CACNA1B: variants seen among roughly 807,000 people sequenced by gnomAD.
The protein encoded by CACNA1B is voltage-dependent N-type calcium channel subunit alpha-1B.
CACNA1B carries 70 observed loss-of-function variants against 247.2 expected under a neutral mutation model. The ratio of observed to expected loss-of-function variants is 0.28; its 90% confidence interval spans 0.23 to 0.35. CACNA1B has a LOEUF of 0.35. Among genes scored for constraint, CACNA1B ranks in the 10% least tolerant of loss-of-function variants. The pLI is 1.00. For synonymous variants in CACNA1B, 1,231 were observed against 1,294.4 expected (o/e 0.95, Z 1.05); for missense variants, 2,367 against 3,197.4 (o/e 0.74, Z 6.26).
intron 15 of CACNA1B, among the ~76,000 whole-genome samples, chr9:138,000,895 C>T (rs758835093): frequency 8.5e-5 from 13 of 152,294 alleles, no homozygotes; most frequent in South Asian, 2.1e-4. Flanking sequence ...ACCCCCCTTT[C>T]GTGTTACAAT....
chr9:138,068,522 G>A (rs565270844), intron 31 of CACNA1B: 91 of 496,608 alleles, frequency 1.8e-4, no homozygotes, highest in African/African-American at 1.2e-3. Context: ...CTCCCTGTGC[G>A]TCTCGCCCGG....
At chr9:137,988,348 C>G (rs1430873988) in intron 15 of CACNA1B, among the ~76,000 whole-genome samples, 1 of 152,114 alleles carries the variant, frequency 6.6e-6, no homozygotes, top group Non-Finnish European at 1.5e-5. Flanking sequence ...GTGGGCGGGC[C>G]AGGCTGAGGC....
Position 137,974,231 on chromosome 9 carries a change from G to T in CACNA1B, c.1544-1676G>T, listed in dbSNP as rs894449512. The stretch of plus-strand genomic sequence containing the variant: ...GCCAGGCCCAGGTCAGAGCTGTAGG[G>T]TCCAGTGGTCTCAGTTGAGGGTGGA... On this transcript the variant is annotated intron_variant, in intron 11 of 46. Coordinates refer to ENST00000371372, the MANE Select transcript of CACNA1B (RefSeq NM_000718.4). The surrounding 1 kb of genome is among the most constrained non-coding windows in gnomAD (Gnocchi z 4.5). Among the ~76,000 whole-genome samples, 1 of 152,204 alleles carries T rather than the reference G, an allele frequency of 6.6e-6. No individual in the cohort carries two copies. Among genetic ancestry groups the T allele is most frequent in the Non-Finnish European group, 1.5e-5 (1 of 68,038 alleles).
chr9:137,949,176 CCAG>C (rs1957843045), intron 6 of CACNA1B, among the ~76,000 whole-genome samples: 1 of 1,290 alleles, frequency 7.8e-4, no homozygotes, highest in African/African-American at 2.5e-3. Context: ...GCTTGTGTGT[CCAG>C]TGTGTGTGTA....
At chr9:137,985,472 G>A (rs1458267315) in intron 13 of CACNA1B, among the ~76,000 whole-genome samples, 2 of 152,202 alleles carry the variant, frequency 1.3e-5, no homozygotes, top group South Asian at 2.1e-4. Flanking sequence ...AGGCAGGCTG[G>A]CCTAGACCCC....
intron 18 of CACNA1B, among the ~76,000 whole-genome samples, chr9:138,016,061 GACAC>G (rs897886991): frequency 6.6e-5 from 10 of 151,562 alleles, no homozygotes; most frequent in African/African-American, 2.4e-4. Flanking sequence ...GACTCACACA[GACAC>G]ACACACACAG....
chr9:138,088,469 A>G (rs548692084), intron 36 of CACNA1B, among the ~76,000 whole-genome samples: 11 of 152,236 alleles, frequency 7.2e-5, no homozygotes, highest in Middle Eastern at 3.4e-3. Context: ...AAAAAAGGAG[A>G]CATTACAACT....
At chr9:138,003,005 G>A (rs1477805555) in intron 15 of CACNA1B, among the ~76,000 whole-genome samples, 2 of 151,384 alleles carry the variant, frequency 1.3e-5, no homozygotes, top group African/African-American at 2.4e-5. Flanking sequence ...CACTGTGTTG[G>A]CCAGGCTGGT....
rs572883969 is a variant in CACNA1B, at chr9:138,038,024, G to T, written c.3287-5750G>T. ...GCTTGGTTACCCTGAAATTCAGTTT[G>T]TATGTGTATTAAACAAGGTACTTGG... On this transcript the variant is annotated intron_variant, in intron 20 of 46. Coordinates refer to ENST00000371372, the MANE Select transcript of CACNA1B (RefSeq NM_000718.4). Among the ~76,000 whole-genome samples the T allele has an allele frequency of 2.8e-4, 43 of 152,286 alleles. 2 individuals carry two copies. In the South Asian group the frequency reaches 7.3e-3, roughly 26 times the overall value.
rs1469549143 is a variant in CACNA1B at position 137,957,157 on chromosome 9, A to T, written c.1243+330A>T. ...GTGGTTGCTGGCACTAGTTACCAGCATAGCTGCAGCAGCAGGAAGGCTGCC... is the reference window on the plus strand; with the variant it reads ...GTGGTTGCTGGCACTAGTTACCAGCTTAGCTGCAGCAGCAGGAAGGCTGCC... On this transcript the variant is annotated intron_variant, in intron 9 of 46. Coordinates refer to ENST00000371372, the MANE Select transcript of CACNA1B (RefSeq NM_000718.4). The surrounding 1 kb of genome is among the most constrained non-coding windows in gnomAD (Gnocchi z 4.7). Among the ~76,000 whole-genome samples, 2 of 152,232 alleles carry T rather than the reference A, an allele frequency of 1.3e-5. No individual in the cohort carries two copies. Among genetic ancestry groups the T allele is most frequent in the Non-Finnish European group, 2.9e-5 (2 of 68,036 alleles).
At chr9:138,048,467 C>T (rs145220543) in intron 23 of CACNA1B, among the ~76,000 whole-genome samples, 21 of 152,316 alleles carry the variant, frequency 1.4e-4, no homozygotes, top group African/African-American at 4.3e-4. Flanking sequence ...GGTCACAAGC[C>T]ATGTAGGGAT....
At chr9:138,044,249 G>A (rs902604375) in intron 21 of CACNA1B, among the ~76,000 whole-genome samples, 3 of 152,226 alleles carry the variant, frequency 2.0e-5, no homozygotes, top group Non-Finnish European at 4.4e-5. Flanking sequence ...TGTTGCCTGC[G>A]TGTGTGCACT....
At chr9:137,906,356 G>A (rs1957298777) in intron 3 of CACNA1B, among the ~76,000 whole-genome samples, 1 of 152,180 alleles carries the variant, frequency 6.6e-6, no homozygotes, top group South Asian at 2.1e-4. Flanking sequence ...TGAAGGGAGG[G>A]AGAAACTTTT....
At chr9:138,015,943 A>C (rs1408658664) in intron 18 of CACNA1B, among the ~76,000 whole-genome samples, 1 of 151,806 alleles carries the variant, frequency 6.6e-6, no homozygotes, top group Non-Finnish European at 1.5e-5. Flanking sequence ...CATACTCACA[A>C]ATACATATAG....
chr9:138,059,132 G>T lies in CACNA1B; in HGVS notation c.4527G>T (p.Val1509=). ...YELMLKCLNI[V]FTSMFSMECV... Reference sequence around the variant, plus strand: ...TGATGCTGAAATGCCTGAACATCGTGTTCACATCCATGTTCTCCATGGAAT... The same window carrying T: ...TGATGCTGAAATGCCTGAACATCGTTTTCACATCCATGTTCTCCATGGAAT... Residue 1509 remains valine, a synonymous_variant, in exon 30 of 47, where the codon GTG becomes GTT. Transcript: ENST00000371372. The surrounding 1 kb of genome is among the most constrained non-coding windows in gnomAD (Gnocchi z 4.2). 6.2e-7 allele frequency: 1 copy of T among 1,613,296 alleles called. No individual in the cohort carries two copies. The highest frequency in any genetic ancestry group is 8.5e-7 in the Non-Finnish European group (1 of 1,179,352).
chr9:137,984,214 G>A lies in CACNA1B; in HGVS notation c.1733G>A (p.Arg578Gln), dbSNP rs1958327654. The change falls in exon 13 of 47, where the codon CGG (arginine) becomes CAG (glutamine). Residue 578 changes from arginine (R) to glutamine (Q), a missense_variant. This residue lies in a region of CACNA1B where 219 missense variants were observed against 297.6 expected (regional missense o/e 0.74). Coordinates refer to ENST00000371372, the MANE Select transcript of CACNA1B (RefSeq NM_000718.4). ...PGSSFGISVL[R>Q]ALRLLRIFKV... The stretch of plus-strand genomic sequence containing the variant: ...AGCTCCTTTGGGATCAGTGTGCTGC[G>A]GGCCCTCCGCCTGCTGAGGATCTTC... The A allele has an allele frequency of 1.9e-6, 3 of 1,601,454 alleles. No homozygotes were observed. The highest frequency in any genetic ancestry group is 2.6e-6 in the Non-Finnish European group (3 of 1,174,464).
intron 44 of CACNA1B, 102 bp from the exon 45 acceptor site, chr9:138,120,063 T>C: frequency 1.0e-6 from 1 of 968,582 alleles, no homozygotes; most frequent in South Asian, 1.6e-5. Flanking sequence ...ATGGGGGGCG[T>C]GTGGGCCTGC....
intron 15 of CACNA1B, among the ~76,000 whole-genome samples, chr9:138,002,773 C>T (rs768412709): frequency 9.2e-5 from 14 of 151,538 alleles, no homozygotes; most frequent in East Asian, 1.9e-4. Flanking sequence ...GAAATTTCTT[C>T]TCTTTTCTTT....
At chr9:137,884,873 T>TCCCCTTCTTCCCCC (rs1349573554) in intron 3 of CACNA1B, among the ~76,000 whole-genome samples, 1 of 105,112 alleles carries the variant, frequency 9.5e-6, no homozygotes, top group Non-Finnish European at 2.0e-5. Context: ...CTCCTTCCCC[T>TCCCCTTCTTCCCCC]CCCCTTCTTC....
Sources: gnomAD v4.1 joint callset for allele counts (sites outside exome capture counted in the v4.1 genomes callset) on GRCh38, gnomAD v4.1.1 for gene constraint, gnomAD v4.1.1 regional missense constraint, Gnocchi (gnomAD v3.1) non-coding constraint, MANE v1.5 for transcripts, NCBI Gene and HGNC (gene_info 2026-07-23, HGNC 2026-07-21) for gene names.